The following SEMA3A variants were observed in gnomAD, a reference collection of about 807,000 sequenced individuals.
SEMA3A encodes semaphorin 3A, also known as semaphorin-3A.
SEMA3A carries 29 observed loss-of-function variants against 97.9 expected under a neutral mutation model. The observed-to-expected ratio is 0.30, with a 90% CI of 0.22 to 0.40. SEMA3A has a LOEUF of 0.40. SEMA3A is among the 10% of genes least tolerant of loss of function. The pLI, the probability that SEMA3A is intolerant of heterozygous loss-of-function variation, is 1.00. For synonymous variants in SEMA3A, 321 were observed against 323.7 expected (o/e 0.99, Z 0.09); for missense variants, 763 against 951.3 (o/e 0.80, Z 2.60).
intron 3 of SEMA3A, among the ~76,000 whole-genome samples, chr7:84,120,835 G>T (rs13233962): frequency 6.6e-6 from 1 of 152,016 alleles, no homozygotes; most frequent in Non-Finnish European, 1.5e-5. Flanking sequence ...ACTAACAAAA[G>T]ATTGTGACTC....
At chr7:84,182,968 T>C (rs142680219) in intron 1 of SEMA3A, among the ~76,000 whole-genome samples, 4 of 152,260 alleles carry the variant, frequency 2.6e-5, no homozygotes, top group African/African-American at 9.6e-5. Flanking sequence ...ACTTTTAATA[T>C]AATCTCCAAA....
At chr7:84,367,072 A>T (rs984063904) in intron 2 of SEMA3A, among the ~76,000 whole-genome samples, 1 of 151,316 alleles carries the variant, frequency 6.6e-6, no homozygotes, top group Non-Finnish European at 1.5e-5. Flanking sequence ...TATATATGAC[A>T]TATGTCTCTG....
intron 1 of SEMA3A, among the ~76,000 whole-genome samples, chr7:84,404,563 G>A (rs569902688): frequency 2.6e-4 from 39 of 152,146 alleles, no homozygotes; most frequent in South Asian, 2.5e-3. Flanking sequence ...GATACTCCTC[G>A]AGAAGAGCAA....
At chr7:84,179,072 A>G (rs1797658098) in intron 1 of SEMA3A, among the ~76,000 whole-genome samples, 1 of 152,054 alleles carries the variant, frequency 6.6e-6, no homozygotes, top group Non-Finnish European at 1.5e-5. Context: ...ACAGTTCTTT[A>G]TTGGTATATA....
intron 15 of SEMA3A, among the ~76,000 whole-genome samples, chr7:83,964,915 A>G (rs1414347729): frequency 6.6e-6 from 1 of 151,952 alleles, no homozygotes; most frequent in Non-Finnish European, 1.5e-5. Context: ...ACATGTTGCT[A>G]TACTCATTTG....
intron 12 of SEMA3A, 56 bp from the exon 13 acceptor site, chr7:83,985,533 T>C: frequency 3.5e-6 from 5 of 1,415,036 alleles, no homozygotes; most frequent in Non-Finnish European, 3.0e-6. Context: ...AGCCAGCTAT[T>C]AGTTAATTAA....
chr7:84,044,287 T>C (rs75475170), intron 6 of SEMA3A, among the ~76,000 whole-genome samples: 3,605 of 152,074 alleles, frequency 0.024, 36 homozygotes, highest in Middle Eastern at 0.044. Context: ...TGCTCTTCTC[T>C]TCATCTCAGC....
intron 3 of SEMA3A, among the ~76,000 whole-genome samples, chr7:84,286,072 G>T (rs1223816059): frequency 6.6e-6 from 1 of 151,584 alleles, no homozygotes; most frequent in African/African-American, 2.4e-5. Flanking sequence ...AAACTGTAAG[G>T]ATTAAAATTC....
chr7:83,992,449 G>A (rs1311661081), intron 12 of SEMA3A, among the ~76,000 whole-genome samples: 2 of 149,082 alleles, frequency 1.3e-5, no homozygotes, highest in Admixed American at 6.7e-5. Context: ...TTCTCTTGTG[G>A]GCATTTAGTG....
In SEMA3A at chr7:84,129,022, CCA is replaced by C. The variant is rs1795880342; in HGVS notation, c.333+99_333+100del. 2.2e-5 allele frequency: 19 copies of C among 859,022 alleles called. No homozygotes were observed. In the South Asian group the frequency reaches 2.6e-4, roughly 12 times the overall value. 53.2% of individuals were successfully genotyped at this position (859,022 alleles called of 1,614,324 possible). ...ATATGAAAAGATTCTAACCCCTTCC[CCA>C]CACACACAAAAAAATCAGAAATTTG... On this transcript the variant is annotated intron_variant, in intron 3 of 16. Transcript: ENST00000265362.
intron 9 of SEMA3A, among the ~76,000 whole-genome samples, chr7:84,008,896 C>T (rs1345695426): frequency 6.6e-6 from 1 of 152,086 alleles, no homozygotes; most frequent in Non-Finnish European, 1.5e-5. Flanking sequence ...TGATACATCA[C>T]ACTTTGTAAT....
At chr7:84,429,516 T>TTATATATA (rs10523978) in intron 1 of SEMA3A, among the ~76,000 whole-genome samples, 730 of 72,296 alleles carry the variant, frequency 0.01, 23 homozygotes, top group African/African-American at 0.014. Flanking sequence ...ATAGAGTTTG[T>TTATATATA]TATATATATA....
At chr7:84,356,958 T>G (rs1802575305) in intron 2 of SEMA3A, among the ~76,000 whole-genome samples, 1 of 151,780 alleles carries the variant, frequency 6.6e-6, no homozygotes, top group East Asian at 1.9e-4. Flanking sequence ...CGTGATGTGC[T>G]GCAAGTTAAA....
At chr7:83,999,426 AAAATAATT>A (rs1381734431) in intron 12 of SEMA3A, among the ~76,000 whole-genome samples, 1 of 142,600 alleles carries the variant, frequency 7.0e-6, no homozygotes, top group African/African-American at 2.6e-5. Flanking sequence ...TTCATATCAG[AAAATAATT>A]AAATAATAAA....
intron 4 of SEMA3A, among the ~76,000 whole-genome samples, chr7:84,079,012 A>C (rs191727330): frequency 5.9e-5 from 9 of 152,260 alleles, no homozygotes; most frequent in Admixed American, 3.9e-4. Flanking sequence ...TTTATAATCC[A>C]CTATAATTAA....
intron 3 of SEMA3A, among the ~76,000 whole-genome samples, chr7:84,242,005 A>T (rs552506614): frequency 1.3e-5 from 2 of 152,132 alleles, no homozygotes; most frequent in East Asian, 3.9e-4. Flanking sequence ...TTTGGTACCA[A>T]CACCATGCTG....
At chr7:84,060,429 G>C in intron 5 of SEMA3A, 36 bp downstream of exon 5, 6 of 1,324,108 alleles carry the variant, frequency 4.5e-6, no homozygotes, top group Non-Finnish European at 5.2e-6. Flanking sequence ...GTTATTTATA[G>C]AAAACTCACT....
intron 15 of SEMA3A, among the ~76,000 whole-genome samples, chr7:83,965,855 T>C (rs1232940244): frequency 2.7e-5 from 4 of 149,546 alleles, no homozygotes; most frequent in Admixed American, 1.3e-4. Context: ...TAGTTTTTCG[T>C]ATTTTAATAG....
intron 1 of SEMA3A, among the ~76,000 whole-genome samples, chr7:84,153,200 A>C (rs539894961): frequency 3.9e-5 from 6 of 152,248 alleles, no homozygotes; most frequent in East Asian, 1.9e-4. Flanking sequence ...TGATATTGCT[A>C]TGAAAGTCTT....
Sources: allele counts gnomAD v4.1 joint callset (sites outside exome capture counted in the v4.1 genomes callset), GRCh38; gene constraint gnomAD v4.1.1; transcripts MANE v1.5; gene names NCBI Gene and HGNC (gene_info 2026-07-23, HGNC 2026-07-21).